Variants in NSMAF observed in about 807,000 individuals in gnomAD.
NSMAF encodes neutral sphingomyelinase activation associated factor.
Under a neutral mutation model 134.9 loss-of-function variants are expected in NSMAF, and 90 were observed. The observed-to-expected ratio is 0.67, with a 90% CI of 0.56 to 0.79. The LOEUF is 0.79. Ranked by LOEUF, NSMAF falls within the 30% of genes least tolerant of loss-of-function variation. The pLI, the probability that NSMAF is intolerant of heterozygous loss-of-function variation, is 0.00. For synonymous variants in NSMAF, 358 were observed against 389.6 expected (o/e 0.92, Z 0.96); for missense variants, 1,010 against 1,119.0 (o/e 0.90, Z 1.39).
In NSMAF at chr8:58,623,250, C is replaced by G; in HGVS notation, c.527G>C (p.Arg176Pro). 1 of 1,610,384 alleles carries G rather than the reference C, an allele frequency of 6.2e-7. No individual in the cohort carries two copies. The highest frequency in any genetic ancestry group is 8.5e-7 in the Non-Finnish European group (1 of 1,178,052). ...TAMITAILQS[R>P]LARTSFDKNR... ...TTTGTCAAATGATGTTCTAGCTAAA[C>G]GAGACTGCAAAATAGCTGTTATCTA... Residue 176 changes from arginine to proline, a missense_variant, in exon 9 of 31, where the codon CGT becomes CCT. Transcript: ENST00000038176.
intron 6 of NSMAF, among the ~76,000 whole-genome samples, chr8:58,629,329 T>A (rs1807005687): frequency 6.6e-6 from 1 of 152,216 alleles, no homozygotes; most frequent in South Asian, 2.1e-4. Context: ...ACTCCTCTAG[T>A]GAACTTTTTA....
chr8:58,587,823 C>G (rs1273039586), intron 26 of NSMAF, 122 bp from the exon 27 acceptor site: 5 of 769,046 alleles, frequency 6.5e-6, no homozygotes, highest in Non-Finnish European at 1.1e-5. Context: ...TAAAGTTAAG[C>G]TGCACAGTGC....
chr8:58,585,940 G>A lies in NSMAF; in HGVS notation c.2507C>T (p.Thr836Ile). 6.2e-7 allele frequency: 1 copy of A among 1,613,992 alleles called. No individual in the cohort carries two copies. Among genetic ancestry groups the A allele is most frequent in the Non-Finnish European group, 8.5e-7 (1 of 1,180,000 alleles). ...DGCLNVIDVQ[T>I]GMLISSMTSD... ...TGTCATGGAGGAGATGAGCATTCCT[G>A]TCTGCACATCAATGACATTAAGACA... is the stretch of plus-strand genomic sequence containing the variant. Residue 836 changes from threonine to isoleucine, a missense_variant, in exon 29 of 31, where the codon ACA becomes ATA. By Grantham distance (89) the Thr-to-Ile change is moderately conservative. Transcript: ENST00000038176.
intron 6 of NSMAF, among the ~76,000 whole-genome samples, chr8:58,624,850 C>A (rs893038318): frequency 2.0e-5 from 3 of 152,286 alleles, no homozygotes; most frequent in East Asian, 3.9e-4. Context: ...GTATTGAAAT[C>A]TCCTACCATT....
chr8:58,643,832 C>T (rs1252669852), intron 1 of NSMAF, among the ~76,000 whole-genome samples: 1 of 152,162 alleles, frequency 6.6e-6, no homozygotes, highest in African/African-American at 2.4e-5. Flanking sequence ...GCCCAGCCAA[C>T]AGATCTTTAG....
At chr8:58,648,592 G>A (rs1463437694) in intron 1 of NSMAF, among the ~76,000 whole-genome samples, 2 of 152,150 alleles carry the variant, frequency 1.3e-5, no homozygotes, top group Admixed American at 1.3e-4. Context: ...AGGAAAGAAG[G>A]GCTTAGGGGG....
rs143815884 is a variant in NSMAF at position 58,627,975 on chromosome 8, A to G, written c.384+3521T>C. Among the ~76,000 whole-genome samples the G allele has an allele frequency of 1.8e-4, 28 of 152,354 alleles. No homozygotes were observed. In the East Asian group the frequency reaches 5.2e-3, roughly 28 times the overall value. Reference sequence around the variant, plus strand: ...AAATCTGGGGGCATCACATTATTCAACTTCAAAATATACTACAATGCTATA... The same window carrying G: ...AAATCTGGGGGCATCACATTATTCAGCTTCAAAATATACTACAATGCTATA... On this transcript the variant is annotated intron_variant, in intron 6 of 30. Transcript: ENST00000038176.
chr8:58,584,781 CGT>C (rs1367137811), intron 30 of NSMAF, among the ~76,000 whole-genome samples: 2 of 152,122 alleles, frequency 1.3e-5, no homozygotes, highest in African/African-American at 4.8e-5. Flanking sequence ...GGACCACAGG[CGT>C]GTGTCACCAC....
At chr8:58,652,717 G>T (rs558549975) in intron 1 of NSMAF, among the ~76,000 whole-genome samples, 1 of 152,306 alleles carries the variant, frequency 6.6e-6, no homozygotes, top group African/African-American at 2.4e-5. Context: ...ACTCCAGCAA[G>T]TCTGATGCAT....
intron 27 of NSMAF, among the ~76,000 whole-genome samples, chr8:58,587,414 A>G (rs1173002534): frequency 6.6e-6 from 1 of 152,232 alleles, no homozygotes; most frequent in Non-Finnish European, 1.5e-5. Context: ...TGTGCAAAGA[A>G]GTAACTTGGA....
intron 17 of NSMAF, 30 bp downstream of exon 17, chr8:58,599,940 A>G (rs1487004765): frequency 6.2e-7 from 1 of 1,613,146 alleles, no homozygotes; most frequent in Admixed American, 1.7e-5. Context: ...CCCCAAGTCC[A>G]GTTACTCATC....
chr8:58,596,215 A>G (rs1806132224), intron 21 of NSMAF, among the ~76,000 whole-genome samples: 1 of 152,228 alleles, frequency 6.6e-6, no homozygotes, highest in Non-Finnish European at 1.5e-5. Flanking sequence ...TGTGATCTTC[A>G]TGATTTAACC....
chr8:58,597,249 G>T, intron 21 of NSMAF, 138 bp downstream of exon 21: 1 of 759,426 alleles, frequency 1.3e-6, no homozygotes, highest in Non-Finnish European at 2.2e-6. Context: ...TCTGTTTTCA[G>T]GAGAACTGCA....
Position 58,659,747 on chromosome 8 carries a change from T to TCCCCA in NSMAF, c.-117_-116insTGGGG. The TCCCCA allele has an allele frequency of 1.2e-6, 1 of 813,618 alleles. No individual in the cohort carries two copies. Among genetic ancestry groups the TCCCCA allele is most frequent in the Non-Finnish European group, 1.6e-6 (1 of 611,810 alleles). The allele number at this position is 813,618 out of a possible 1,614,324, so 50.4% of individuals were successfully genotyped here. A position where few individuals can be genotyped will look rare whatever the true frequency, so the allele number is the denominator to read the frequency against. On this transcript the variant is annotated 5_prime_UTR_variant, in exon 1 of 31. Transcript: ENST00000038176. The stretch of plus-strand genomic sequence containing the variant: ...GGTGGCCGGCTGGGGAGCGCGCGGC[T>TCCCCA]GCCGGCCTGGCTTCCCCTGCGGCGC...
chr8:58,595,853 A>C (rs1441811141), intron 21 of NSMAF, 194 bp from the exon 22 acceptor site: 3 of 504,170 alleles, frequency 6.0e-6, no homozygotes, highest in Non-Finnish European at 1.1e-5. Context: ...GAAAGATAAA[A>C]AGTATCTTTG....
At chr8:58,643,144 C>T (rs1271695931) in intron 1 of NSMAF, 71 bp from the exon 2 acceptor site, 31 of 1,075,308 alleles carry the variant, frequency 2.9e-5, no homozygotes, top group Non-Finnish European at 4.1e-5. Context: ...ATATTTAAAA[C>T]GTCTGATCCC....
Position 58,617,889 on chromosome 8 carries a change from T to C in NSMAF, c.557+5331A>G, listed in dbSNP as rs578084363. Among the ~76,000 whole-genome samples the C allele has an allele frequency of 1.6e-3, 238 of 152,296 alleles. 2 individuals carry two copies. The highest frequency in any genetic ancestry group is 2.3e-3 in the Non-Finnish European group (159 of 68,024). On this transcript the variant is annotated intron_variant, in intron 9 of 30. Transcript: ENST00000038176. The stretch of plus-strand genomic sequence containing the variant: ...ACGTTTATTGTGGCACTATTCACAA[T>C]AGCAAAGACTTGGAACCAACCCAAA...
intron 1 of NSMAF, among the ~76,000 whole-genome samples, chr8:58,644,081 G>C (rs556828319): frequency 8.2e-4 from 125 of 152,236 alleles, no homozygotes; most frequent in African/African-American, 2.9e-3. Flanking sequence ...TTGTGATAAG[G>C]ACCAGGAAAC....
At chr8:58,601,938 T>A (rs1806291822) in intron 14 of NSMAF, 120 bp downstream of exon 14, 1 of 723,158 alleles carries the variant, frequency 1.4e-6, no homozygotes, top group South Asian at 2.1e-5. Context: ...AAGAAAAAAC[T>A]CTACGTAGAG....
Sources: gnomAD v4.1 joint callset for allele counts (sites outside exome capture counted in the v4.1 genomes callset) on GRCh38, gnomAD v4.1.1 for gene constraint, MANE v1.5 for transcripts, NCBI Gene and HGNC (gene_info 2026-07-23, HGNC 2026-07-21) for gene names.